The following CCDC30 variants were observed in gnomAD, a reference collection of about 807,000 sequenced individuals.
CCDC30 encodes coiled-coil domain containing 30.
Under a neutral mutation model 100.2 loss-of-function variants are expected in CCDC30, and 70 were observed. The ratio of observed to expected loss-of-function variants is 0.70; its 90% CI spans 0.58 to 0.85. The LOEUF is 0.85. Ranked by LOEUF, CCDC30 falls within the 40% of genes least tolerant of loss-of-function variation. The pLI, the probability that CCDC30 is intolerant of heterozygous loss-of-function variation, is 0.00. For synonymous variants in CCDC30, 233 were observed against 269.5 expected (o/e 0.86, Z 1.33); for missense variants, 652 against 771.2 (o/e 0.85, Z 1.83).
intron 5 of CCDC30, among the ~76,000 whole-genome samples, chr1:42,498,031 C>A (rs969441339): frequency 6.6e-6 from 1 of 152,014 alleles, no homozygotes; most frequent in African/African-American, 2.4e-5. Flanking sequence ...CTCAGATGCT[C>A]GTTGATAGAG....
intron 10 of CCDC30, chr1:42,592,563 A>C (rs1254934234): frequency 6.6e-6 from 1 of 152,028 alleles, no homozygotes; most frequent in Non-Finnish European, 1.5e-5. Context: ...AAATACAAAA[A>C]TTAATTGGAT....
intron 6 of CCDC30, among the ~76,000 whole-genome samples, chr1:42,517,769 A>G (rs2148499159): frequency 6.6e-6 from 1 of 152,348 alleles, no homozygotes; most frequent in East Asian, 1.9e-4. Context: ...AATATCAAAT[A>G]TGCAAGATCA....
At chr1:42,615,623 CCTACGATT>C (rs1646713148) in intron 11 of CCDC30, among the ~76,000 whole-genome samples, 2 of 152,010 alleles carry the variant, frequency 1.3e-5, no homozygotes, top group African/African-American at 4.8e-5. Context: ...TAAAAAAAAC[CCTACGATT>C]CTAAATGTTA....
At chr1:42,512,180 A>T (rs1341750771) in intron 6 of CCDC30, among the ~76,000 whole-genome samples, 1 of 152,196 alleles carries the variant, frequency 6.6e-6, no homozygotes, top group African/African-American at 2.4e-5. Context: ...GTGGTTTTCC[A>T]CCCTGGGTGG....
intron 8 of CCDC30, among the ~76,000 whole-genome samples, chr1:42,579,681 AAGGAAGGG>A (rs1030147323): frequency 8.0e-5 from 12 of 150,414 alleles, no homozygotes; most frequent in South Asian, 6.3e-4. Context: ...GGAAGAAAGG[AAGGAAGGG>A]AGGAAGGGAG....
At chr1:42,600,317 C>T (rs914407726) in intron 10 of CCDC30, among the ~76,000 whole-genome samples, 4 of 152,162 alleles carry the variant, frequency 2.6e-5, no homozygotes, top group African/African-American at 9.7e-5. Flanking sequence ...GATACAACTG[C>T]AAGGAGGAGT....
chr1:42,554,162 CTA>C (rs1390233594), intron 6 of CCDC30, among the ~76,000 whole-genome samples: 2 of 151,720 alleles, frequency 1.3e-5, no homozygotes, highest in Non-Finnish European at 2.9e-5. Context: ...TTCCATATCT[CTA>C]TTTAGTATGA....
chr1:42,625,807 GAGA>G (rs1237322447), intron 11 of CCDC30, among the ~76,000 whole-genome samples: 2 of 152,028 alleles, frequency 1.3e-5, no homozygotes, highest in African/African-American at 2.4e-5. Context: ...ATATACTGAG[GAGA>G]AGAAGGTGTA....
intron 6 of CCDC30, chr1:42,556,357 T>C (rs2148551096): frequency 1.4e-5 from 23 of 1,614,064 alleles, no homozygotes; most frequent in Non-Finnish European, 1.9e-5. Context: ...ATCAGAGCCT[T>C]CTTCAGTCTC....
intron 6 of CCDC30, among the ~76,000 whole-genome samples, chr1:42,534,285 G>T (rs971312031): frequency 6.6e-6 from 1 of 152,026 alleles, no homozygotes; most frequent in African/African-American, 2.4e-5. Flanking sequence ...CATCTCAGGT[G>T]CCATAAGGGT....
rs140036019 is a variant in CCDC30, at chr1:42,561,191, G to A, written c.457-5105G>A. On this transcript the variant is annotated intron_variant, in intron 6 of 16. Coordinates refer to ENST00000668663, the Ensembl canonical transcript of CCDC30. ...CAGGCCAATATCCCTGATGAACATC[G>A]ATGCAAAAATCCTGAATAAAATACT... is the stretch of plus-strand genomic sequence containing the variant. Among the ~76,000 whole-genome samples the A allele has an allele frequency of 6.0e-4, 91 of 152,214 alleles. 1 individual carries two copies. The highest frequency in any genetic ancestry group is 2.2e-3 in the African/African-American group (90 of 41,546).
rs370030130 is a variant in CCDC30, at chr1:42,602,215, G to GAA, written c.1165-8755_1165-8754dup. On this transcript the variant is annotated intron_variant, in intron 10 of 16. Coordinates refer to ENST00000668663, the Ensembl canonical transcript of CCDC30. ...GAGCAAATTAAATCCAAAGTAAGCTGAAAAAAAAAGAAATAATAAAAATTA... is the reference window on the plus strand; with the variant it reads ...GAGCAAATTAAATCCAAAGTAAGCTGAAAAAAAAAAAGAAATAATAAAAATTA... Among the ~76,000 whole-genome samples, 445 of 147,890 alleles carry GAA rather than the reference G, an allele frequency of 3.0e-3. 3 individuals carry two copies. Among genetic ancestry groups the GAA allele is most frequent in the African/African-American group, 0.011 (426 of 40,266 alleles).
At chr1:42,465,397 T>G (rs1643540985) in intron 1 of CCDC30, among the ~76,000 whole-genome samples, 1 of 152,208 alleles carries the variant, frequency 6.6e-6, no homozygotes, top group Non-Finnish European at 1.5e-5. Context: ...GGAATTTCAC[T>G]CTTGTTGCCC....
rs547565345 is a variant in CCDC30, at chr1:42,596,662, T to C, written c.1164+7179T>C. ...CACCACCACATCACTAACGGCCCAT[T>C]TAACAGCAGTTTCCTCTACTCACTG... On this transcript the variant is annotated intron_variant, in intron 10 of 16. Transcript: ENST00000668663. The surrounding 1 kb of genome is among the most constrained non-coding windows in gnomAD (Gnocchi z 4.3). Among the ~76,000 whole-genome samples the C allele has an allele frequency of 1.3e-5, 2 of 151,998 alleles. No individual in the cohort carries two copies. Among genetic ancestry groups the C allele is most frequent in the Non-Finnish European group, 2.9e-5 (2 of 68,010 alleles).
chr1:42,570,282 C>T (rs1396214416), intron 7 of CCDC30, among the ~76,000 whole-genome samples: 1 of 151,546 alleles, frequency 6.6e-6, no homozygotes. Context: ...GCTATGATCA[C>T]ACCACTGCAC....
At chr1:42,639,391 A>G (rs1203510479) in intron 12 of CCDC30, among the ~76,000 whole-genome samples, 3 of 152,172 alleles carry the variant, frequency 2.0e-5, no homozygotes, top group African/African-American at 7.2e-5. Flanking sequence ...TGGAGCCCCC[A>G]TGAGTAATTA....
chr1:42,642,246 A>AATAT (rs370118861), intron 12 of CCDC30, among the ~76,000 whole-genome samples: 2 of 148,400 alleles, frequency 1.3e-5, no homozygotes, highest in South Asian at 2.1e-4. Flanking sequence ...CAAACAAAAA[A>AATAT]ATATATATAT....
chr1:42,484,340 A>C (rs961786320), intron 3 of CCDC30, among the ~76,000 whole-genome samples: 32 of 152,204 alleles, frequency 2.1e-4, no homozygotes, highest in African/African-American at 7.5e-4. Flanking sequence ...ACACTATCTA[A>C]AAAGAAAATA....
At chr1:42,474,810 G>A (rs141606744) in intron 1 of CCDC30, among the ~76,000 whole-genome samples, 11 of 152,254 alleles carry the variant, frequency 7.2e-5, no homozygotes, top group African/African-American at 2.4e-4. Context: ...AATATTTGAT[G>A]TACTTAATAT....
Sources: allele counts gnomAD v4.1 joint callset (sites outside exome capture counted in the v4.1 genomes callset), GRCh38; gene constraint gnomAD v4.1.1; non-coding constraint Gnocchi (gnomAD v3.1); transcripts MANE v1.5; gene names NCBI Gene and HGNC (gene_info 2026-07-23, HGNC 2026-07-21).